P2RX5: variants seen among roughly 807,000 people sequenced by gnomAD.
P2RX5 encodes the protein purinergic receptor P2X 5.
P2RX5 carries 46 observed loss-of-function variants against 54.1 expected under a neutral mutation model. The observed-to-expected ratio is 0.85, with a 90% confidence interval of 0.67 to 1.09. P2RX5 has a LOEUF of 1.09. Ranked by LOEUF, P2RX5 falls within the 50% of genes least tolerant of loss-of-function variation. The probability of loss-of-function intolerance (pLI) is 0.00; values close to 1 mark genes in which losing one functional copy is unlikely to be tolerated. For missense variants in P2RX5, 566 were observed against 549.8 expected (o/e 1.03, Z -0.29); for synonymous variants, 226 against 226.4 (o/e 1.00, Z 0.02).
Position 3,685,651 on chromosome 17 carries a change from T to TCCACCGGCTCTCC in P2RX5, c.981+2360_981+2361insGGAGAGCCGGTGG, listed in dbSNP as rs2050430487. On this transcript the variant is annotated intron_variant, in intron 9 of 11. Transcript: ENST00000225328. Reference sequence around the variant, plus strand: ...GGGGCCCCCAGGGACCCTCCCAGCGTCCCCCTCCCAGCCTGAGAACAGGAG... The same window carrying TCCACCGGCTCTCC: ...GGGGCCCCCAGGGACCCTCCCAGCGTCCACCGGCTCTCCCCCCCTCCCAGCCTGAGAACAGGAG... The TCCACCGGCTCTCC allele has an allele frequency of 1.4e-4, 5 of 35,628 alleles. 1 individual carries two copies. The highest frequency in any genetic ancestry group is 1.8e-4 in the Non-Finnish European group (1 of 5,700). The allele number at this position is 35,628 out of a possible 1,614,324, so 2.2% of individuals were successfully genotyped here. A position where few individuals can be genotyped will look rare whatever the true frequency, so the allele number is the denominator to read the frequency against.
chr17:3,702,285 G>A, the P2RX5 span, among the ~76,000 whole-genome samples: 17 of 143,276 alleles, frequency 1.2e-4, no homozygotes, highest in Non-Finnish European at 1.4e-4. Flanking sequence ...CTGTAAAAGC[G>A]CACCAATCAG....
Position 3,679,745 on chromosome 17 carries a change from T to C in P2RX5, c.1104A>G (p.Ala368=). The C allele has an allele frequency of 6.2e-7, 1 of 1,612,194 alleles. No homozygotes were observed. The highest frequency in any genetic ancestry group is 8.5e-7 in the Non-Finnish European group (1 of 1,179,814). The change falls in exon 11 of 12, where the codon GCA becomes GCG. Residue 368 remains alanine, a synonymous_variant. Transcript: ENST00000225328. ...GCTGCTCAGATAGCCCCAGCCCCGA[T>C]GCCTCGTCCTCGGCCTCCTGGGAAC... ...EDSSQEAEDE[A]SGLGLSEQLT...
intron 9 of P2RX5, among the ~76,000 whole-genome samples, chr17:3,684,476 C>G (rs752113378): frequency 1.3e-5 from 2 of 152,178 alleles, no homozygotes; most frequent in African/African-American, 2.4e-5. Context: ...TGGTGGTGCA[C>G]CTGCAGCCCT....
intron 11 of P2RX5, chr17:3,677,345 C>G: frequency 2.1e-6 from 2 of 957,376 alleles, no homozygotes; most frequent in Non-Finnish European, 2.4e-6. Context: ...CCGGGCGTCC[C>G]GAGGCTGGTG....
At chr17:3,715,081 T>C in the P2RX5 span, 537 of 614,106 alleles carry the variant, frequency 8.7e-4, 5 homozygotes, top group African/African-American at 8.6e-3. Flanking sequence ...CCTAACTTAC[T>C]CTGAATCTCT....
intron 10 of P2RX5, among the ~76,000 whole-genome samples, chr17:3,680,750 C>T (rs71360960): frequency 1.0e-4 from 10 of 96,560 alleles, no homozygotes; most frequent in East Asian, 3.2e-4. Flanking sequence ...CTCCACCCAG[C>T]GTCCTCCACC....
the P2RX5 span, among the ~76,000 whole-genome samples, chr17:3,713,313 C>T: frequency 6.6e-6 from 1 of 151,846 alleles, no homozygotes; most frequent in African/African-American, 2.4e-5. Flanking sequence ...CAACCTATGA[C>T]TGCATCACTG....
intron 11 of P2RX5, among the ~76,000 whole-genome samples, chr17:3,674,937 C>G (rs1597688199): frequency 6.6e-6 from 1 of 152,362 alleles, no homozygotes; most frequent in East Asian, 1.9e-4. Flanking sequence ...GGGATCGTGT[C>G]TGTGTTGCTC....
chr17:3,707,680 G>A, the P2RX5 span, among the ~76,000 whole-genome samples: 2 of 152,022 alleles, frequency 1.3e-5, no homozygotes, highest in Non-Finnish European at 2.9e-5. Flanking sequence ...AGAAGATGAG[G>A]CATCCACAGA....
chr17:3,690,804 C>T, intron 3 of P2RX5, 124 bp from the exon 4 acceptor site: 1 of 1,170,900 alleles, frequency 8.5e-7, no homozygotes, highest in Non-Finnish European at 1.2e-6. Context: ...GAACCTACTT[C>T]TCCCCCATAT....
the P2RX5 span, among the ~76,000 whole-genome samples, chr17:3,703,250 A>G: frequency 6.6e-6 from 1 of 152,226 alleles, no homozygotes; most frequent in African/African-American, 2.4e-5. Context: ...CACACCTACA[A>G]TCCCAACACT....
chr17:3,676,563 G>A, intron 11 of P2RX5: 1 of 985,394 alleles, frequency 1.0e-6, no homozygotes. Flanking sequence ...TGGTCTCTAG[G>A]CAGCATGCGT....
chr17:3,679,708 G>A lies in P2RX5; in HGVS notation c.1141C>T (p.Pro381Ser), dbSNP rs551135311. 393 of 1,612,382 alleles carry A rather than the reference G, an allele frequency of 2.4e-4. 7 individuals are homozygous for A. The South Asian group carries it at 3.5e-3, about 14-fold the overall frequency. The change falls in exon 11 of 12, where the codon CCA (proline) becomes TCA (serine). Residue 381 changes from proline to serine, a missense_variant. Pro to Ser is a moderately conservative substitution (Grantham distance 74). Transcript: ENST00000225328. ...TGCTCCGGCATCCCCAGCAGCCCTG[G>A]CCCAGATGTGAGCTGCTCAGATAGC... ...LGLSEQLTSG[P>S]GLLGMPEQQE...
At chr17:3,718,147 T>G in the P2RX5 span, 8 of 151,868 alleles carry the variant, frequency 5.3e-5, no homozygotes, top group African/African-American at 1.7e-4. Flanking sequence ...TGGATTTTAT[T>G]CAGGAATCAT....
upstream of P2RX5, among the ~76,000 whole-genome samples, chr17:3,699,095 C>CACACACACACACACACACATA (rs60173844): frequency 1.5e-4 from 15 of 100,190 alleles, no homozygotes; most frequent in East Asian, 1.2e-3. Flanking sequence ...ACACACACAC[C>CACACACACACACACACACATA]TATATATATA....
the P2RX5 span, among the ~76,000 whole-genome samples, chr17:3,709,220 C>T: frequency 2.0e-5 from 3 of 152,036 alleles, no homozygotes; most frequent in South Asian, 2.1e-4. Context: ...CCAAAGTGCC[C>T]GGCTCAGAAT....
chr17:3,677,530 G>C (rs1180752191), intron 11 of P2RX5: 2 of 985,288 alleles, frequency 2.0e-6, no homozygotes, highest in Non-Finnish European at 2.4e-6. Flanking sequence ...GTCCCCTTGG[G>C]TGTTGTCCAA....
chr17:3,689,942 GCGAACACA>G (rs2050561425), intron 6 of P2RX5, 120 bp downstream of exon 6: 2 of 914,082 alleles, frequency 2.2e-6, no homozygotes, highest in Non-Finnish European at 3.7e-6. Flanking sequence ...ACGCACACAC[GCGAACACA>G]CGCACACACG....
intron 1 of P2RX5, among the ~76,000 whole-genome samples, chr17:3,693,616 T>C (rs2050677763): frequency 6.6e-6 from 1 of 152,034 alleles, no homozygotes; most frequent in African/African-American, 2.4e-5. Context: ...CCCATGCCTG[T>C]AATCCCAGTT....
Sources: allele counts gnomAD v4.1 joint callset (sites outside exome capture counted in the v4.1 genomes callset), GRCh38; gene constraint gnomAD v4.1.1; transcripts MANE v1.5; gene names NCBI Gene and HGNC (gene_info 2026-07-23, HGNC 2026-07-21).